The following SLC6A4 variants were observed in gnomAD, a reference collection of about 807,000 sequenced individuals.
The protein encoded by SLC6A4 is solute carrier family 6 member 4.
Under a neutral mutation model 73.4 loss-of-function variants are expected in SLC6A4, and 22 were observed. The observed-to-expected ratio is 0.30, with a 90% CI of 0.21 to 0.43. The LOEUF (loss-of-function observed/expected upper bound fraction) is 0.43, where lower values mean the gene tolerates loss of function less well. Ranked by LOEUF, SLC6A4 falls within the 20% of genes least tolerant of loss-of-function variation. The probability of loss-of-function intolerance (pLI) is 1.00; values close to 1 mark genes in which losing one functional copy is unlikely to be tolerated. For missense variants in SLC6A4, 593 were observed against 808.5 expected, an observed-to-expected ratio of 0.73 and a Z score of 3.23; for synonymous variants, 270 against 315.5, an observed-to-expected ratio of 0.86 and a Z score of 1.53.
chr17:30,231,298 C>T (rs1028904101), intron 1 of SLC6A4, among the ~76,000 whole-genome samples: 2 of 150,742 alleles, frequency 1.3e-5, no homozygotes, highest in Non-Finnish European at 3.0e-5. Context: ...TATATATATA[C>T]CTGTATGTAT....
intron 13 of SLC6A4, among the ~76,000 whole-genome samples, chr17:30,205,531 A>C (rs1292561375): frequency 6.6e-6 from 1 of 152,220 alleles, no homozygotes; most frequent in East Asian, 1.9e-4. Context: ...CCTCTCACTG[A>C]AAACAACTAA....
In SLC6A4 at chr17:30,222,882, G is replaced by C. The variant is rs1424892087; in HGVS notation, c.-187C>G. On this transcript the variant is annotated 5_prime_UTR_variant, in exon 2 of 15. Transcript: ENST00000650711. ...CTAAGCCCCTTGTTATTCTGCAAGAGAGGGCAAGCAAGGTCGCCTTGCCTC... is the reference window on the plus strand; with the variant it reads ...CTAAGCCCCTTGTTATTCTGCAAGACAGGGCAAGCAAGGTCGCCTTGCCTC... 7.7e-7 allele frequency: 1 copy of C among 1,292,522 alleles called. No homozygotes were observed. The highest frequency in any genetic ancestry group is 1.0e-6 in the Non-Finnish European group (1 of 978,294). The allele number at this position is 1,292,522 out of a possible 1,614,324, so 80.1% of individuals were successfully genotyped here.
At chr17:30,202,576 A>G (rs889213721) in intron 14 of SLC6A4, among the ~76,000 whole-genome samples, 1 of 152,202 alleles carries the variant, frequency 6.6e-6, no homozygotes, top group Non-Finnish European at 1.5e-5. Context: ...ACAAATTGTA[A>G]GGTACTGTTA....
Position 30,217,271 on chromosome 17 carries a change from C to G in SLC6A4, c.732G>C (p.Gly244=). The change falls in exon 6 of 15, where the codon GGG becomes GGC. Residue 244 remains glycine, a synonymous_variant. Coordinates refer to ENST00000650711, the MANE Select transcript of SLC6A4 (RefSeq NM_001045.6). ...AGCTGATGCCCCCCAGGTCCTGGAG[C>G]CCCTTAGACCGGTGGATCTGCAGGA... ...RHVLQIHRSK[G]LQDLGGISWQ... 6.2e-7 allele frequency: 1 copy of G among 1,614,166 alleles called. No homozygotes were observed. The highest frequency in any genetic ancestry group is 8.5e-7 in the Non-Finnish European group (1 of 1,180,014).
chr17:30,203,307 T>C lies in SLC6A4; in HGVS notation c.1683A>G (p.Pro561=), dbSNP rs943455994. The C allele has an allele frequency of 1.9e-6, 3 of 1,614,076 alleles. No individual in the cohort carries two copies. The highest frequency in any genetic ancestry group is 2.5e-6 in the Non-Finnish European group (3 of 1,179,976). ...AATTATATTGGAAAAGTCGTAGTTG[T>C]GGCGGGCTCATCAGAAAACTGCAAA... is the stretch of plus-strand genomic sequence containing the variant. ...FIICSFLMSP[P]QLRLFQYNYP... is the part of the protein sequence containing the mutation. Residue 561 remains proline, a synonymous_variant, in exon 14 of 15, where the codon CCA becomes CCG. Transcript: ENST00000650711.
In SLC6A4 at chr17:30,222,093, A is replaced by T. The variant is rs758846749; in HGVS notation, c.-123-12T>A. 9.2e-5 allele frequency: 142 copies of T among 1,537,850 alleles called. No individual in the cohort carries two copies. The highest frequency in any genetic ancestry group is 1.2e-4 in the Non-Finnish European group (137 of 1,134,510). Reference sequence around the variant, plus strand: ...CGTCGGGATTGACTCTGTTGGAAAGACACACAGAGGAAGGAGAAAAAAGTT... The same window carrying T: ...CGTCGGGATTGACTCTGTTGGAAAGTCACACAGAGGAAGGAGAAAAAAGTT... On this transcript the variant is annotated splice_polypyrimidine_tract_variant and intron_variant, in intron 2 of 14. Transcript: ENST00000650711.
chr17:30,223,814 T>G (rs1906846898), intron 1 of SLC6A4, among the ~76,000 whole-genome samples: 1 of 152,142 alleles, frequency 6.6e-6, no homozygotes, highest in Non-Finnish European at 1.5e-5. Context: ...AACCTCACCC[T>G]GCTCACCATT....
At chr17:30,219,018 C>T (rs781538225) in intron 3 of SLC6A4, 87 bp from the exon 4 acceptor site, 34 of 1,531,062 alleles carry the variant, frequency 2.2e-5, no homozygotes, top group South Asian at 5.7e-5. Context: ...TCACAGTCGC[C>T]GGATGATGTG....
chr17:30,217,122 G>T (rs1289036835), intron 6 of SLC6A4, 44 bp downstream of exon 6: 2 of 1,585,158 alleles, frequency 1.3e-6, no homozygotes, highest in Non-Finnish European at 1.7e-6. Flanking sequence ...GAGAGCCTGT[G>T]GGCCCCTGGG....
At position 30,224,787 on chromosome 17, in the gene SLC6A4, G is replaced by T. The variant is rs116381815; in HGVS notation, c.-220-1872C>A. Among the ~76,000 whole-genome samples the T allele has an allele frequency of 4.4e-3, 675 of 152,264 alleles. 6 individuals carry two copies. Among genetic ancestry groups the T allele is most frequent in the African/African-American group, 0.015 (638 of 41,548 alleles). ...TTTTGTTTACTTTCTTCCTTGAGGCGTCCTGCAGAGAGGGTAGAAAATGTG... is the reference window on the plus strand; with the variant it reads ...TTTTGTTTACTTTCTTCCTTGAGGCTTCCTGCAGAGAGGGTAGAAAATGTG... On this transcript the variant is annotated intron_variant, in intron 1 of 14. Coordinates refer to ENST00000650711, the MANE Select transcript of SLC6A4 (RefSeq NM_001045.6).
chr17:30,233,353 G>T (rs1314437389), intron 1 of SLC6A4, among the ~76,000 whole-genome samples: 1 of 152,170 alleles, frequency 6.6e-6, no homozygotes, highest in Non-Finnish European at 1.5e-5. Flanking sequence ...GGCAGCTGGG[G>T]AGTCGGGTTA....
At position 30,196,426 on chromosome 17, in the gene SLC6A4, T is replaced by A. The variant is rs1006660934; in HGVS notation, c.*2030A>T. ...CAAAGCTCCTGTACAATTCCATTAA[T>A]ACCAGACTTGGCAAAACGCTAATTC... On this transcript the variant is annotated 3_prime_UTR_variant, in exon 15 of 15. Coordinates refer to ENST00000650711, the MANE Select transcript of SLC6A4 (RefSeq NM_001045.6). The A allele has an allele frequency of 1.3e-5, 2 of 152,302 alleles. No individual in the cohort carries two copies. The highest frequency in any genetic ancestry group is 4.8e-5 in the African/African-American group (2 of 41,438). 9.4% of individuals were successfully genotyped at this position (152,302 alleles called of 1,614,324 possible).
chr17:30,206,725 T>TG (rs1253144176), intron 13 of SLC6A4, among the ~76,000 whole-genome samples: 5 of 140,664 alleles, frequency 3.6e-5, no homozygotes, highest in African/African-American at 1.3e-4. Flanking sequence ...TTTTTTTTTT[T>TG]TTTTTTTTTT....
chr17:30,216,026 C>T lies in SLC6A4; in HGVS notation c.972+56G>A, dbSNP rs35721756. 4.4e-4 allele frequency: 678 copies of T among 1,530,888 alleles called. 4 individuals carry two copies. The African/African-American group carries it at 6.4e-3, about 14-fold the overall frequency. The allele number at this position is 1,530,888 out of a possible 1,614,324, so 94.8% of individuals were successfully genotyped here. ...CCCTACTGTCCTATTTGGAGGAGGA[C>T]CAGCTTCGTTTAGTAAAATGACAGA... On this transcript the variant is annotated intron_variant, in intron 7 of 14. Coordinates refer to ENST00000650711, the MANE Select transcript of SLC6A4 (RefSeq NM_001045.6).
intron 14 of SLC6A4, among the ~76,000 whole-genome samples, chr17:30,200,894 G>A (rs1224891312): frequency 1.3e-5 from 2 of 152,022 alleles, no homozygotes. Flanking sequence ...CAATTTCCAT[G>A]CCTCGGCCTC....
chr17:30,232,432 C>T (rs1206162982), intron 1 of SLC6A4, among the ~76,000 whole-genome samples: 1 of 152,210 alleles, frequency 6.6e-6, no homozygotes, highest in Non-Finnish European at 1.5e-5. Flanking sequence ...CTCGTCAGTA[C>T]CTGAAGACCT....
intron 11 of SLC6A4, among the ~76,000 whole-genome samples, chr17:30,210,242 T>C (rs1906341735): frequency 6.6e-6 from 1 of 152,128 alleles, no homozygotes; most frequent in African/African-American, 2.4e-5. Flanking sequence ...CAAATCCTAA[T>C]TTTCTCCAGA....
Position 30,235,194 on chromosome 17 carries a change from C to A in SLC6A4, c.-221+419G>T, listed in dbSNP as rs1907231186. ...AGAACTCTCCCTTTGCATAAAGCCACCTGCACGCGATGACAGCAAAGTAAA... is the reference window on the plus strand; with the variant it reads ...AGAACTCTCCCTTTGCATAAAGCCAACTGCACGCGATGACAGCAAAGTAAA... On this transcript the variant is annotated intron_variant, in intron 1 of 14. Transcript: ENST00000650711. The surrounding 1 kb of genome is among the most constrained non-coding windows in gnomAD (Gnocchi z 4.5). 6.6e-6 allele frequency among the ~76,000 whole-genome samples: 1 copy of A among 152,206 alleles called. No individual in the cohort carries two copies. Among genetic ancestry groups the A allele is most frequent in the Non-Finnish European group, 1.5e-5 (1 of 68,036 alleles).
chr17:30,222,682 C>T (rs1029659325), intron 2 of SLC6A4, 137 bp downstream of exon 2: 9 of 674,958 alleles, frequency 1.3e-5, no homozygotes, highest in East Asian at 6.6e-5. Context: ...TTCTGTCACT[C>T]GTCTTTTAGC....
Sources: gnomAD v4.1 joint callset for allele counts (sites outside exome capture counted in the v4.1 genomes callset) on GRCh38, gnomAD v4.1.1 for gene constraint, Gnocchi (gnomAD v3.1) non-coding constraint, MANE v1.5 for transcripts, NCBI Gene and HGNC (gene_info 2026-07-23, HGNC 2026-07-21) for gene names.